The following PDS5B variants were observed in gnomAD, a reference collection of about 807,000 sequenced individuals.
PDS5B encodes sister chromatid cohesion protein PDS5 homolog B.
PDS5B carries 51 observed loss-of-function variants against 184.1 expected under a neutral mutation model. That is an observed-to-expected ratio of 0.28 (90% confidence interval 0.22 to 0.35). PDS5B has a LOEUF of 0.35. PDS5B is among the 10% of genes least tolerant of loss of function. The probability of loss-of-function intolerance (pLI) is 1.00; values close to 1 mark genes in which losing one functional copy is unlikely to be tolerated. For synonymous variants in PDS5B, 566 were observed against 569.2 expected (o/e 0.99, Z 0.08); for missense variants, 1,180 against 1,723.3 (o/e 0.68, Z 5.58).
chr13:32,735,879 T>A (rs1228158706), intron 21 of PDS5B, among the ~76,000 whole-genome samples: 2 of 152,152 alleles, frequency 1.3e-5, no homozygotes, highest in African/African-American at 4.8e-5. Flanking sequence ...ATATAAGTAG[T>A]GATATCTGGG....
At chr13:32,678,199 G>A (rs892611275) in intron 9 of PDS5B, among the ~76,000 whole-genome samples, 2 of 152,164 alleles carry the variant, frequency 1.3e-5, no homozygotes, top group Non-Finnish European at 2.9e-5. Context: ...AAGAGTTGGA[G>A]GGAAAACAAA....
intron 22 of PDS5B, 45 bp downstream of exon 22, chr13:32,741,193 A>G (rs1300162068): frequency 2.0e-6 from 2 of 992,844 alleles, no homozygotes; most frequent in Non-Finnish European, 1.5e-6. Context: ...TAATCACCAC[A>G]TTGTAATATT....
At chr13:32,604,838 T>C (rs2058035259) in intron 1 of PDS5B, among the ~76,000 whole-genome samples, 1 of 152,254 alleles carries the variant, frequency 6.6e-6, no homozygotes, top group Non-Finnish European at 1.5e-5. Context: ...CCATTTCTTC[T>C]AGATTTTCTA....
chr13:32,660,766 A>G (rs943255233), intron 6 of PDS5B, among the ~76,000 whole-genome samples: 14 of 152,174 alleles, frequency 9.2e-5, no homozygotes, highest in Non-Finnish European at 1.8e-4. Context: ...ACCTGTAGGT[A>G]CTTCCAGAAA....
At chr13:32,704,024 A>AAT (rs1411534152) in intron 17 of PDS5B, among the ~76,000 whole-genome samples, 11 of 152,204 alleles carry the variant, frequency 7.2e-5, no homozygotes, top group Admixed American at 2.0e-4. Context: ...ATCTCTTTGC[A>AAT]ATTAATAAAT....
intron 33 of PDS5B, chr13:32,771,088 A>T: frequency 5.5e-6 from 1 of 180,210 alleles, no homozygotes; most frequent in Admixed American, 6.2e-5. Flanking sequence ...CCACACTACA[A>T]TTTTTTTTTT....
rs533410589 is a variant in PDS5B at position 32,689,703 on chromosome 13, T to C, written c.1469+1134T>C. 4 of 152,280 alleles carry C rather than the reference T, an allele frequency of 2.6e-5. No homozygotes were observed. In the South Asian group the frequency reaches 8.3e-4, roughly 32 times the overall value. 9.4% of individuals were successfully genotyped at this position (152,280 alleles called of 1,614,324 possible). A position where few individuals can be genotyped will look rare whatever the true frequency, so the allele number is the denominator to read the frequency against. ...GCTTGGTTCCAAAGCTTGTTCTTTT[T>C]CCACTACACGTAGTAAAATACATTA... On this transcript the variant is annotated intron_variant, in intron 13 of 34. Transcript: ENST00000315596.
intron 21 of PDS5B, 134 bp downstream of exon 21, chr13:32,735,464 A>G: frequency 3.2e-6 from 2 of 622,514 alleles, no homozygotes; most frequent in Admixed American, 6.6e-5. Flanking sequence ...CTGTTTAAAA[A>G]AAATAAGCCT....
chr13:32,728,225 A>G (rs1003671191), intron 19 of PDS5B, among the ~76,000 whole-genome samples: 9 of 151,822 alleles, frequency 5.9e-5, no homozygotes, highest in East Asian at 1.9e-4. Context: ...TCTTGAGTCT[A>G]TGTAGCATAG....
At chr13:32,659,800 C>A (rs1008169484) in intron 6 of PDS5B, among the ~76,000 whole-genome samples, 1 of 152,076 alleles carries the variant, frequency 6.6e-6, no homozygotes, top group Non-Finnish European at 1.5e-5. Flanking sequence ...GTTAGAAATA[C>A]GGTTCTGTTA....
In PDS5B at chr13:32,775,095, A is replaced by ACCT; in HGVS notation, c.*43_*44insCCT. The ACCT allele has an allele frequency of 1.8e-6, 1 of 547,626 alleles. No homozygotes were observed. Among genetic ancestry groups the ACCT allele is most frequent in the Non-Finnish European group, 2.6e-6 (1 of 388,740 alleles). 33.9% of individuals were successfully genotyped at this position (547,626 alleles called of 1,614,324 possible). On this transcript the variant is annotated 3_prime_UTR_variant, in exon 35 of 35. Coordinates refer to ENST00000315596, the MANE Select transcript of PDS5B (RefSeq NM_015032.4). ...CTTTCTCTGTGAAAGCTTTGGAAAA[A>ACCT]TCTTTTTTTTTTTTTTTGGTCAAGC...
At chr13:32,627,692 G>T (rs2058391515) in intron 1 of PDS5B, among the ~76,000 whole-genome samples, 1 of 152,124 alleles carries the variant, frequency 6.6e-6, no homozygotes, top group Admixed American at 6.5e-5. Flanking sequence ...TAATATTGTT[G>T]GAGTGATAAG....
intron 21 of PDS5B, 26 bp from the exon 22 acceptor site, chr13:32,741,054 T>G (rs1156918606): frequency 1.5e-6 from 2 of 1,303,268 alleles, no homozygotes; most frequent in South Asian, 1.2e-5. Flanking sequence ...GTCCCTGGTT[T>G]TTTTTTTTTT....
At chr13:32,604,909 T>C (rs1278866714) in intron 1 of PDS5B, among the ~76,000 whole-genome samples, 1 of 151,618 alleles carries the variant, frequency 6.6e-6, no homozygotes, top group Non-Finnish European at 1.5e-5. Context: ...TCTGTGGGAT[T>C]GGTGGTGATA....
At chr13:32,694,493 A>T (rs886511669) in intron 14 of PDS5B, among the ~76,000 whole-genome samples, 189 bp downstream of exon 14, 11 of 151,968 alleles carry the variant, frequency 7.2e-5, no homozygotes, top group African/African-American at 2.7e-4. Flanking sequence ...AAATGTTTAT[A>T]TCTGCAAAAG....
chr13:32,586,917 G>GGGCGGC (rs1301364484), intron 1 of PDS5B, among the ~76,000 whole-genome samples: 1 of 143,208 alleles, frequency 7.0e-6, no homozygotes, highest in African/African-American at 2.5e-5. Context: ...ATCCCGGCCG[G>GGGCGGC]GGCGGCGGCG....
chr13:32,703,339 G>A (rs1460431762), intron 17 of PDS5B, among the ~76,000 whole-genome samples: 1 of 152,180 alleles, frequency 6.6e-6, no homozygotes, highest in Non-Finnish European at 1.5e-5. Context: ...GAGGTTTTCA[G>A]AAGTAAAGTA....
At chr13:32,657,408 T>G (rs1462784678) in intron 3 of PDS5B, among the ~76,000 whole-genome samples, 2 of 152,246 alleles carry the variant, frequency 1.3e-5, no homozygotes, top group Non-Finnish European at 2.9e-5. Flanking sequence ...GTTTTCTGTT[T>G]GCTTGGTAGA....
chr13:32,775,754 T>C lies in PDS5B; in HGVS notation c.*702T>C. ...ATTTGTCCCAGAATTTTCTGGCCTT[T>C]CATGGCAATGAAAATTTTAAGAAGA... On this transcript the variant is annotated 3_prime_UTR_variant, in exon 35 of 35. Coordinates refer to ENST00000315596, the MANE Select transcript of PDS5B (RefSeq NM_015032.4). The C allele has an allele frequency of 2.5e-6, 1 of 404,030 alleles. No homozygotes were observed. The highest frequency in any genetic ancestry group is 4.9e-6 in the Non-Finnish European group (1 of 204,510). 25.0% of individuals were successfully genotyped at this position (404,030 alleles called of 1,614,324 possible).
Sources: gnomAD v4.1 joint callset for allele counts (sites outside exome capture counted in the v4.1 genomes callset) on GRCh38, gnomAD v4.1.1 for gene constraint, MANE v1.5 for transcripts, NCBI Gene and HGNC (gene_info 2026-07-23, HGNC 2026-07-21) for gene names.